Variants in ANO2 observed in about 807,000 individuals in gnomAD.
The protein encoded by ANO2 is anoctamin 2.
ANO2 carries 101 observed loss-of-function variants against 124.2 expected under a neutral mutation model. The observed-to-expected ratio is 0.81, with a 90% confidence interval of 0.69 to 0.96. ANO2 has a LOEUF of 0.96. Ranked by LOEUF, ANO2 falls within the 40% of genes least tolerant of loss-of-function variation. The probability of loss-of-function intolerance (pLI) is 0.00; values close to 1 mark genes in which losing one functional copy is unlikely to be tolerated. For missense variants in ANO2, 1,293 were observed against 1,274.5 expected (o/e 1.01, Z -0.22); for synonymous variants, 486 against 482.5 (o/e 1.01, Z -0.09).
chr12:5,873,434 C>A (rs1937867842), intron 3 of ANO2, among the ~76,000 whole-genome samples: 1 of 152,186 alleles, frequency 6.6e-6, no homozygotes, highest in Non-Finnish European at 1.5e-5. Context: ...CAACTCACTT[C>A]ACACTCTATG....
intron 23 of ANO2, 101 bp downstream of exon 23, chr12:5,575,733 A>G: frequency 7.4e-7 from 1 of 1,353,662 alleles, no homozygotes; most frequent in Non-Finnish European, 1.0e-6. Context: ...TGTCCAAAAC[A>G]TCATCATGTT....
Position 5,921,919 on chromosome 12 carries a change from A to G in ANO2, c.208-553T>C, listed in dbSNP as rs557849252. ...GATCTGCACCTCTGCCTGCAGATACACTATATATTTAAACACAGAATACTC... is the reference window on the plus strand; with the variant it reads ...GATCTGCACCTCTGCCTGCAGATACGCTATATATTTAAACACAGAATACTC... On this transcript the variant is annotated intron_variant, in intron 2 of 24. Coordinates refer to ENST00000682330, the MANE Select transcript of ANO2 (RefSeq NM_001364791.2). 5.3e-5 allele frequency among the ~76,000 whole-genome samples: 8 copies of G among 152,236 alleles called. No individual in the cohort carries two copies. The East Asian group carries it at 1.4e-3, about 26-fold the overall frequency.
intron 14 of ANO2, among the ~76,000 whole-genome samples, chr12:5,690,228 A>G (rs1260365020): frequency 6.6e-6 from 1 of 152,208 alleles, no homozygotes; most frequent in African/African-American, 2.4e-5. Context: ...TTCTCAAAAG[A>G]AAACTCAGAA....
chr12:5,697,142 T>C (rs1306899504), intron 14 of ANO2, among the ~76,000 whole-genome samples: 2 of 152,038 alleles, frequency 1.3e-5, no homozygotes, highest in African/African-American at 2.4e-5. Context: ...AATGTAAGAA[T>C]TGAAAAGGAG....
At chr12:5,747,174 G>C (rs895136990) in intron 11 of ANO2, among the ~76,000 whole-genome samples, 1 of 152,156 alleles carries the variant, frequency 6.6e-6, no homozygotes, top group African/African-American at 2.4e-5. Flanking sequence ...AAGTTCCTGC[G>C]CTGTGAATCT....
intron 4 of ANO2, among the ~76,000 whole-genome samples, chr12:5,847,076 T>C (rs1954706665): frequency 6.6e-6 from 1 of 152,176 alleles, no homozygotes; most frequent in African/African-American, 2.4e-5. Flanking sequence ...TGTTTTGGGA[T>C]GAAATGAGCA....
At chr12:5,726,783 A>G (rs1323584078) in intron 14 of ANO2, among the ~76,000 whole-genome samples, 1 of 152,234 alleles carries the variant, frequency 6.6e-6, no homozygotes, top group Admixed American at 6.5e-5. Context: ...TACCATATAA[A>G]TAAATAAGAG....
intron 14 of ANO2, among the ~76,000 whole-genome samples, chr12:5,674,555 C>G (rs1025458412): frequency 1.3e-5 from 2 of 152,206 alleles, no homozygotes; most frequent in Non-Finnish European, 2.9e-5. Flanking sequence ...CAGGTCACAG[C>G]CTTCTATCGG....
At chr12:5,694,276 A>AGAGC (rs1229336610) in intron 14 of ANO2, among the ~76,000 whole-genome samples, 1 of 151,790 alleles carries the variant, frequency 6.6e-6, no homozygotes, top group Non-Finnish European at 1.5e-5. Context: ...AGAGAGAGAG[A>AGAGC]GAGAGAGAAT....
At chr12:5,624,748 A>G (rs1176419484) in intron 16 of ANO2, among the ~76,000 whole-genome samples, 2 of 152,200 alleles carry the variant, frequency 1.3e-5, no homozygotes, top group Non-Finnish European at 2.9e-5. Flanking sequence ...GAGGGCGACA[A>G]CTGCAACCGT....
chr12:5,945,450 C>A (rs893743234), upstream of ANO2, among the ~76,000 whole-genome samples: 1 of 152,192 alleles, frequency 6.6e-6, no homozygotes, highest in African/African-American at 2.4e-5. Flanking sequence ...GAGAATGGAG[C>A]GCGGTCCCGC....
chr12:5,716,439 C>T (rs1950029695), intron 14 of ANO2, among the ~76,000 whole-genome samples: 1 of 152,162 alleles, frequency 6.6e-6, no homozygotes, highest in South Asian at 2.1e-4. Context: ...GGGTTGGTCA[C>T]TTCCCTTAAA....
At chr12:5,891,394 C>T (rs1287783901) in intron 3 of ANO2, among the ~76,000 whole-genome samples, 4 of 152,098 alleles carry the variant, frequency 2.6e-5, no homozygotes, top group Non-Finnish European at 4.4e-5. Context: ...TCTCTGTGTG[C>T]GTCCTTTCAC....
In ANO2 at chr12:5,744,200, G is replaced by T; in HGVS notation, c.1308C>A (p.Asp436Glu). Residue 436 changes from aspartate (D) to glutamate (E), a missense_variant, in exon 12 of 25, where the codon GAC (aspartate) becomes GAA (glutamate). Transcript: ENST00000682330. ...CGTAQASHLF[D>E]NPATVFFSIF... Reference sequence around the variant, plus strand: ...TAGAGAAGAAGACGGTGGCAGGGTTGTCAAACAGGTGGCTGGCCTGCGCGG... The same window carrying T: ...TAGAGAAGAAGACGGTGGCAGGGTTTTCAAACAGGTGGCTGGCCTGCGCGG... The T allele has an allele frequency of 5.6e-6, 9 of 1,613,128 alleles. No homozygotes were observed. The highest frequency in any genetic ancestry group is 1.7e-4 in the Middle Eastern group (1 of 6,060).
intron 1 of ANO2, among the ~76,000 whole-genome samples, chr12:5,923,020 GCACA>G (rs1297911108): frequency 6.7e-6 from 1 of 149,014 alleles, no homozygotes; most frequent in Non-Finnish European, 1.5e-5. Context: ...ATACACACAC[GCACA>G]CACACATACA....
intron 10 of ANO2, among the ~76,000 whole-genome samples, chr12:5,768,044 C>T (rs557214509): frequency 6.6e-6 from 1 of 152,198 alleles, no homozygotes; most frequent in African/African-American, 2.4e-5. Context: ...CTCACCCTTC[C>T]TGACCTACTA....
Position 5,636,647 on chromosome 12 carries a change from C to CACACACACAA in ANO2, c.1621-1301_1621-1300insTTGTGTGTGT, listed in dbSNP as rs1456168167. On this transcript the variant is annotated intron_variant, in intron 15 of 24. Transcript: ENST00000682330. The surrounding 1 kb of genome is among the most constrained non-coding windows in gnomAD (Gnocchi z 4.6). Reference sequence around the variant, plus strand: ...ACACACACACACACACACACACACACACGCATGCACAGGGAGGGAGGCAGG... The same window carrying CACACACACAA: ...ACACACACACACACACACACACACACACACACACAAACGCATGCACAGGGAGGGAGGCAGG... 6.7e-6 allele frequency among the ~76,000 whole-genome samples: 1 copy of CACACACACAA among 149,840 alleles called. No individual in the cohort carries two copies. The highest frequency in any genetic ancestry group is 1.5e-5 in the Non-Finnish European group (1 of 67,526).
At chr12:5,672,569 G>C (rs1327025525) in intron 14 of ANO2, among the ~76,000 whole-genome samples, 1 of 151,896 alleles carries the variant, frequency 6.6e-6, no homozygotes. Flanking sequence ...CCTGGTTTAA[G>C]GCAGTCAGCT....
At chr12:5,742,418 A>C (rs540747006) in intron 12 of ANO2, among the ~76,000 whole-genome samples, 9 of 147,644 alleles carry the variant, frequency 6.1e-5, no homozygotes, top group Non-Finnish European at 1.3e-4. Context: ...GCTCTGGCGC[A>C]ATCTCACCCC....
Sources: allele counts gnomAD v4.1 joint callset (sites outside exome capture counted in the v4.1 genomes callset), GRCh38; gene constraint gnomAD v4.1.1; non-coding constraint Gnocchi (gnomAD v3.1); transcripts MANE v1.5; gene names NCBI Gene and HGNC (gene_info 2026-07-23, HGNC 2026-07-21).